Variants in PACS2 observed in about 807,000 individuals in gnomAD.
The protein encoded by PACS2 is PACS1-like protein.
Under a neutral mutation model 113.0 loss-of-function variants are expected in PACS2, and 36 were observed. The observed-to-expected ratio is 0.32, with a 90% confidence interval of 0.24 to 0.42. The LOEUF (loss-of-function observed/expected upper bound fraction) is 0.42. Ranked by LOEUF, PACS2 falls within the 10% of genes least tolerant of loss-of-function variation. PACS2 has a pLI of 1.00. For missense variants in PACS2, 1,015 were observed against 1,239.5 expected (o/e 0.82, Z 2.72); for synonymous variants, 589 against 536.1 (o/e 1.10, Z -1.36).
chr14:105,371,310 G>T (rs1555409358), intron 8 of PACS2: 2 of 152,266 alleles, frequency 1.3e-5, no homozygotes, highest in Non-Finnish European at 2.9e-5. Flanking sequence ...TGTGGGTTCA[G>T]GGGTGGGTGT....
At chr14:105,364,321 GGTGGGCGGCGGCCC>G (rs2060849562) in intron 4 of PACS2, among the ~76,000 whole-genome samples, 1 of 139,722 alleles carries the variant, frequency 7.2e-6, no homozygotes, top group African/African-American at 2.8e-5. Context: ...CCGGGTGCGC[GGTGGGCGGCGGCCC>G]GGGGGTGTGG....
rs1184091719 is a variant in PACS2, at chr14:105,358,382, T to C, written c.423+3205T>C. ...TCAGGAAGCTTGAGCTGACTGCAGG[T>C]GGTCCCTCTCAGAGGCAGCTCCGCA... On this transcript the variant is annotated intron_variant, in intron 4 of 24. Coordinates refer to ENST00000447393, the MANE Select transcript of PACS2 (RefSeq NM_001100913.3). This position sits in a 1 kb window ranked among gnomAD's most constrained non-coding sequence, Gnocchi z 4.9. Among the ~76,000 whole-genome samples the C allele has an allele frequency of 3.3e-5, 5 of 152,184 alleles. No homozygotes were observed. Among genetic ancestry groups the C allele is most frequent in the African/African-American group, 1.2e-4 (5 of 41,440 alleles).
chr14:105,381,558 C>T (rs782807398), intron 12 of PACS2, among the ~76,000 whole-genome samples: 1 of 152,274 alleles, frequency 6.6e-6, no homozygotes, highest in Non-Finnish European at 1.5e-5. Context: ...CTGGCAGCCT[C>T]AGTGCCCTGC....
intron 1 of PACS2, among the ~76,000 whole-genome samples, chr14:105,307,741 G>A (rs1216647089): frequency 6.6e-6 from 1 of 152,214 alleles, no homozygotes; most frequent in Non-Finnish European, 1.5e-5. Context: ...GCATAACAGG[G>A]ATAAGAATAG....
intron 19 of PACS2, 135 bp from the exon 20 acceptor site, chr14:105,389,826 G>A (rs1555414405): frequency 6.2e-6 from 5 of 800,880 alleles, no homozygotes; most frequent in Non-Finnish European, 1.1e-5. Context: ...ACACAGGGCA[G>A]GGCTGTCCGG....
In PACS2 at chr14:105,330,936, G is replaced by A. The variant is rs997852017; in HGVS notation, c.119+15899G>A. Among the ~76,000 whole-genome samples the A allele has an allele frequency of 9.2e-5, 14 of 152,102 alleles. No homozygotes were observed. Among genetic ancestry groups the A allele is most frequent in the Non-Finnish European group, 1.6e-4 (11 of 68,010 alleles). On this transcript the variant is annotated intron_variant, in intron 1 of 24. Transcript: ENST00000447393. The surrounding 1 kb of genome is among the most constrained non-coding windows in gnomAD (Gnocchi z 6.9). ...GGGGCCTAGCCTTGCTCTGGTGAACGGCTTTGTTGGATGCTGGGGTTGGCA... is the reference window on the plus strand; with the variant it reads ...GGGGCCTAGCCTTGCTCTGGTGAACAGCTTTGTTGGATGCTGGGGTTGGCA...
chr14:105,348,588 C>T lies in PACS2; in HGVS notation c.207+8C>T, dbSNP rs377312667. The T allele has an allele frequency of 2.3e-5, 36 of 1,598,592 alleles. No homozygotes were observed. Among genetic ancestry groups the T allele is most frequent in the South Asian group, 1.2e-4 (11 of 90,822 alleles). On this transcript the variant is annotated splice_region_variant and intron_variant, in intron 2 of 24. Transcript: ENST00000447393. This position sits in a 1 kb window ranked among gnomAD's most constrained non-coding sequence, Gnocchi z 6.4. ...ATCGCTGTCAAGATGCAGGTGAGGC[C>T]GCTTGTGACCCCGGCTGTGGCTGGG... is the stretch of plus-strand genomic sequence containing the variant.
rs587635330 is a variant in PACS2, at chr14:105,365,343, G to A, written c.424-1870G>A. 2.9e-4 allele frequency among the ~76,000 whole-genome samples: 44 copies of A among 152,336 alleles called. 1 individual carries two copies. The highest frequency in any genetic ancestry group is 2.7e-3 in the Admixed American group (41 of 15,308). ...AGGAGAGGAACATGCAGCCTGGAGTGTCGGGGCCTGGGACTTCCAGGGCCT... is the reference window on the plus strand; with the variant it reads ...AGGAGAGGAACATGCAGCCTGGAGTATCGGGGCCTGGGACTTCCAGGGCCT... On this transcript the variant is annotated intron_variant, in intron 4 of 24. Coordinates refer to ENST00000447393, the MANE Select transcript of PACS2 (RefSeq NM_001100913.3). This position sits in a 1 kb window ranked among gnomAD's most constrained non-coding sequence, Gnocchi z 5.1.
chr14:105,316,771 G>A (rs1433186873), intron 1 of PACS2, among the ~76,000 whole-genome samples: 1 of 152,124 alleles, frequency 6.6e-6, no homozygotes, highest in Non-Finnish European at 1.5e-5. Context: ...ACCTGGGCTG[G>A]GTAGCACTAA....
At chr14:105,385,799 T>C (rs1346417410) in intron 19 of PACS2, 82 bp downstream of exon 19, 3 of 841,232 alleles carry the variant, frequency 3.6e-6, no homozygotes, top group Non-Finnish European at 3.5e-6. Context: ...CACGTAGGAA[T>C]CACCCCGCTG....
rs2081046935 is a variant in PACS2 at position 105,383,012 on chromosome 14, C to T, written c.1625+99C>T. On this transcript the variant is annotated intron_variant, in intron 15 of 24. Transcript: ENST00000447393. ...GCTCCGGGGCTAGGTGCGTCCTGGA[C>T]CTGGGGCTGTGGCTGGTGTCCACAG... 5 of 730,920 alleles carry T rather than the reference C, an allele frequency of 6.8e-6. No individual in the cohort carries two copies. In the Admixed American group the frequency reaches 8.6e-5, roughly 13 times the overall value. 45.3% of individuals were successfully genotyped at this position (730,920 alleles called of 1,614,324 possible).
rs35175118 is a variant in PACS2 at position 105,394,037 on chromosome 14, CAA to C, written c.2597-499_2597-498del. Among the ~76,000 whole-genome samples, 76 of 72,050 alleles carry C rather than the reference CAA, an allele frequency of 1.1e-3. 1 individual carries two copies. The highest frequency in any genetic ancestry group is 1.6e-3 in the Admixed American group (12 of 7,576). 47.3% of individuals were successfully genotyped at this position (72,050 alleles called of 152,430 possible). On this transcript the variant is annotated intron_variant, in intron 24 of 24. Coordinates refer to ENST00000447393, the MANE Select transcript of PACS2 (RefSeq NM_001100913.3). The stretch of plus-strand genomic sequence containing the variant: ...TGGGTGACAGAGCAAGACTCCGCCT[CAA>C]AAAAAAAAAAAAAAAAAGGGGTTTT...
chr14:105,381,937 G>C lies in PACS2; in HGVS notation c.1292G>C (p.Arg431Pro), dbSNP rs2081009644. 9 of 1,550,694 alleles carry C rather than the reference G, an allele frequency of 5.8e-6. No homozygotes were observed. Among genetic ancestry groups the C allele is most frequent in the South Asian group, 1.2e-5 (1 of 84,018 alleles). The change falls in exon 13 of 25, where the codon CGA (arginine) becomes CCA (proline). Residue 431 changes from arginine (R) to proline (P), a missense_variant. Arg to Pro is a moderately radical substitution (Grantham distance 103). This residue lies in a region of PACS2 where 859 missense variants were observed against 1,056.8 expected (regional missense o/e 0.81). Transcript: ENST00000447393. ...AGGTCCGAGGGGAAGCAGGCTGGCC[G>C]ACGGGGCCGGAGCACATCCTTGAAG... The part of the protein sequence containing the change: ...STRSEGKQAG[R>P]RGRSTSLKER...
intron 1 of PACS2, among the ~76,000 whole-genome samples, chr14:105,344,561 G>C (rs1387916536): frequency 6.6e-6 from 1 of 152,152 alleles, no homozygotes; most frequent in African/African-American, 2.4e-5. Flanking sequence ...TTTTGTTCAT[G>C]AAGTTGTTTA....
At chr14:105,313,095 C>T (rs921015149), upstream of PACS2, among the ~76,000 whole-genome samples, 5 of 152,198 alleles carry the variant, frequency 3.3e-5, no homozygotes, top group Non-Finnish European at 5.9e-5. Context: ...CTGCTGTGCA[C>T]GGCTTAGTCA....
chr14:105,366,890 A>C lies in PACS2; in HGVS notation c.424-323A>C, dbSNP rs1164485832. Among the ~76,000 whole-genome samples the C allele has an allele frequency of 6.6e-6, 1 of 152,170 alleles. No homozygotes were observed. The highest frequency in any genetic ancestry group is 6.5e-5 in the Admixed American group (1 of 15,280). ...GGGCCGCGGACACCCCTGTCTGTCCATCTCAGTCCCTCGTGACTGTGCCTG... is the reference window on the plus strand; with the variant it reads ...GGGCCGCGGACACCCCTGTCTGTCCCTCTCAGTCCCTCGTGACTGTGCCTG... On this transcript the variant is annotated intron_variant, in intron 4 of 24. Transcript: ENST00000447393. The surrounding 1 kb of genome is among the most constrained non-coding windows in gnomAD (Gnocchi z 4.3).
chr14:105,333,980 C>T (rs774163027), intron 1 of PACS2, among the ~76,000 whole-genome samples: 3 of 152,250 alleles, frequency 2.0e-5, no homozygotes, highest in Admixed American at 6.5e-5. Context: ...GGGCCCATTC[C>T]TGCTGGGAGA....
chr14:105,385,779 T>A lies in PACS2; in HGVS notation c.2033+62T>A, dbSNP rs1448634567. 2.7e-6 allele frequency: 3 copies of A among 1,114,096 alleles called. No homozygotes were observed. The African/African-American group carries it at 4.7e-5, about 18-fold the overall frequency. 69.0% of individuals were successfully genotyped at this position (1,114,096 alleles called of 1,614,324 possible). Reference sequence around the variant, plus strand: ...CCCCAGGCTGGTCTTCAGGGCTTGTTTGGCAGAGTCACGTAGGAATCACCC... The same window carrying A: ...CCCCAGGCTGGTCTTCAGGGCTTGTATGGCAGAGTCACGTAGGAATCACCC... On this transcript the variant is annotated intron_variant, in intron 19 of 24. Coordinates refer to ENST00000447393, the MANE Select transcript of PACS2 (RefSeq NM_001100913.3).
chr14:105,329,111 G>A lies in PACS2; in HGVS notation c.119+14074G>A, dbSNP rs773560964. Among the ~76,000 whole-genome samples the A allele has an allele frequency of 6.6e-5, 10 of 152,220 alleles. No individual in the cohort carries two copies. The highest frequency in any genetic ancestry group is 7.3e-5 in the Non-Finnish European group (5 of 68,042). ...CCCTGGAGGCTGGCCCTGCGCCCTG[G>A]AGGCCAGCATGGCCCTGGTGCTGGC... is the stretch of plus-strand genomic sequence containing the variant. On this transcript the variant is annotated intron_variant, in intron 1 of 24. Transcript: ENST00000447393. This position sits in a 1 kb window ranked among gnomAD's most constrained non-coding sequence, Gnocchi z 6.4.
Sources: allele counts gnomAD v4.1 joint callset (sites outside exome capture counted in the v4.1 genomes callset), GRCh38; gene constraint gnomAD v4.1.1; regional missense constraint gnomAD v4.1.1; non-coding constraint Gnocchi (gnomAD v3.1); transcripts MANE v1.5; gene names NCBI Gene and HGNC (gene_info 2026-07-23, HGNC 2026-07-21).